FAM171A1: variants seen among roughly 807,000 people sequenced by gnomAD.
FAM171A1 encodes family with sequence similarity 171 member A1.
Under a neutral mutation model 74.9 loss-of-function variants are expected in FAM171A1, and 23 were observed. The observed-to-expected ratio is 0.31, with a 90% CI of 0.22 to 0.44. FAM171A1 has a LOEUF of 0.44. FAM171A1 is among the 20% of genes least tolerant of loss of function. FAM171A1 has a pLI of 1.00. For missense variants in FAM171A1, 1,162 were observed against 1,159.2 expected (o/e 1.00, Z -0.03); for synonymous variants, 527 against 505.7 (o/e 1.04, Z -0.57).
intron 5 of FAM171A1, among the ~76,000 whole-genome samples, chr10:15,246,314 TATTA>T (rs1316860620): frequency 6.6e-6 from 1 of 152,236 alleles, no homozygotes; most frequent in Admixed American, 6.5e-5. Context: ...ACAGTGTCTC[TATTA>T]ATTATTTGGA....
intron 2 of FAM171A1, among the ~76,000 whole-genome samples, chr10:15,277,012 C>T (rs1416807309): frequency 6.6e-6 from 1 of 152,108 alleles, no homozygotes; most frequent in Non-Finnish European, 1.5e-5. Flanking sequence ...CAAACTCTTG[C>T]TTAAGTACCT....
At chr10:15,362,004 G>A (rs184741601) in intron 1 of FAM171A1, among the ~76,000 whole-genome samples, 6 of 152,152 alleles carry the variant, frequency 3.9e-5, no homozygotes, top group African/African-American at 7.2e-5. Context: ...CACTTCCAAG[G>A]TATCTTTTCC....
intron 6 of FAM171A1, among the ~76,000 whole-genome samples, chr10:15,216,821 T>C (rs1833972836): frequency 1.4e-5 from 2 of 140,300 alleles, no homozygotes; most frequent in Admixed American, 1.4e-4. Flanking sequence ...CTGGGAATTT[T>C]ATATTGCAGT....
At chr10:15,229,839 ACCATCACCATCATCACCATCACCC>A (rs1281035235) in intron 5 of FAM171A1, among the ~76,000 whole-genome samples, 8 of 37,184 alleles carry the variant, frequency 2.2e-4, no homozygotes, top group African/African-American at 8.2e-4. Context: ...CATCATCACC[ACCATCACCATCATCACCATCACCC>A]CCATCACCAT....
intron 6 of FAM171A1, among the ~76,000 whole-genome samples, chr10:15,217,639 A>ATTT (rs112034740): frequency 2.1e-5 from 3 of 145,354 alleles, no homozygotes; most frequent in African/African-American, 5.0e-5. Context: ...CAGAGAAACA[A>ATTT]TTTTTTTTTT....
At chr10:15,305,871 A>C (rs1015862079) in intron 1 of FAM171A1, among the ~76,000 whole-genome samples, 1 of 152,134 alleles carries the variant, frequency 6.6e-6, no homozygotes, top group Admixed American at 6.5e-5. Flanking sequence ...GCTGGTGCCT[A>C]TGTGCCTGTG....
chr10:15,297,332 T>G (rs1366202833), intron 1 of FAM171A1, among the ~76,000 whole-genome samples: 1 of 152,290 alleles, frequency 6.6e-6, no homozygotes. Context: ...ATGCTGGGAT[T>G]ACAGGCATGA....
At chr10:15,223,051 G>A (rs900367442) in intron 5 of FAM171A1, among the ~76,000 whole-genome samples, 1 of 152,182 alleles carries the variant, frequency 6.6e-6, no homozygotes, top group East Asian at 1.9e-4. Flanking sequence ...ACATATTGAG[G>A]AAAAAGGGCT....
At chr10:15,267,517 C>A (rs942013489) in intron 3 of FAM171A1, among the ~76,000 whole-genome samples, 2 of 135,182 alleles carry the variant, frequency 1.5e-5, no homozygotes, top group Non-Finnish European at 3.1e-5. Flanking sequence ...GCAGGAGAAT[C>A]ACTTGAACCC....
intron 5 of FAM171A1, among the ~76,000 whole-genome samples, chr10:15,226,409 C>A (rs1834108238): frequency 6.6e-6 from 1 of 152,150 alleles, no homozygotes; most frequent in Admixed American, 6.5e-5. Context: ...GTTTTTAAAG[C>A]ATTTGAACCC....
At chr10:15,347,608 C>G (rs973001567) in intron 1 of FAM171A1, among the ~76,000 whole-genome samples, 1 of 151,884 alleles carries the variant, frequency 6.6e-6, no homozygotes, top group Non-Finnish European at 1.5e-5. Flanking sequence ...GAGGCCGAGG[C>G]GAGTGGATGA....
intron 3 of FAM171A1, among the ~76,000 whole-genome samples, chr10:15,261,450 T>G (rs1364243212): frequency 6.6e-6 from 1 of 152,226 alleles, no homozygotes; most frequent in Non-Finnish European, 1.5e-5. Flanking sequence ...ATCATCCTTC[T>G]TTTCTTACAT....
At chr10:15,262,604 A>G (rs1020777427) in intron 3 of FAM171A1, among the ~76,000 whole-genome samples, 6 of 152,206 alleles carry the variant, frequency 3.9e-5, no homozygotes, top group Non-Finnish European at 7.3e-5. Flanking sequence ...GAGGCAGCAC[A>G]AAAGGGAGTT....
chr10:15,273,870 T>C (rs1224123234), intron 3 of FAM171A1, among the ~76,000 whole-genome samples: 1 of 152,190 alleles, frequency 6.6e-6, no homozygotes, highest in Non-Finnish European at 1.5e-5. Context: ...AACTAGGTAT[T>C]GATGGGATGT....
At chr10:15,352,188 G>A (rs888794240) in intron 1 of FAM171A1, among the ~76,000 whole-genome samples, 46 of 151,810 alleles carry the variant, frequency 3.0e-4, no homozygotes, top group African/African-American at 1.0e-3. Context: ...GCAATGAGCC[G>A]AAATCACGCC....
intron 3 of FAM171A1, among the ~76,000 whole-genome samples, chr10:15,271,315 CGAGAA>C (rs1156604101): frequency 5.9e-5 from 9 of 151,872 alleles, no homozygotes; most frequent in Non-Finnish European, 8.8e-5. Flanking sequence ...TGAAATAAAG[CGAGAA>C]GAGAAGTTTA....
At chr10:15,276,241 C>A (rs191960015) in intron 2 of FAM171A1, among the ~76,000 whole-genome samples, 2 of 151,864 alleles carry the variant, frequency 1.3e-5, no homozygotes, top group Non-Finnish European at 2.9e-5. Context: ...AATGCAGTGG[C>A]GCAATCTCAG....
At chr10:15,257,719 C>G (rs1359537573) in intron 3 of FAM171A1, among the ~76,000 whole-genome samples, 1 of 152,138 alleles carries the variant, frequency 6.6e-6, no homozygotes, top group African/African-American at 2.4e-5. Context: ...GACTAAACAC[C>G]CCACCACAAA....
intron 1 of FAM171A1, among the ~76,000 whole-genome samples, chr10:15,332,352 G>A (rs961202940): frequency 3.9e-4 from 59 of 152,142 alleles, no homozygotes; most frequent in African/African-American, 1.3e-3. Flanking sequence ...AACATGAGAC[G>A]GAACATTTGG....
Sources: gnomAD v4.1 joint callset for allele counts (sites outside exome capture counted in the v4.1 genomes callset) on GRCh38, gnomAD v4.1.1 for gene constraint, MANE v1.5 for transcripts, NCBI Gene and HGNC (gene_info 2026-07-23, HGNC 2026-07-21) for gene names.